The following TMEM116 variants were observed in gnomAD, a reference collection of about 807,000 sequenced individuals.
TMEM116 encodes transmembrane protein 116.
Under a neutral mutation model 44.3 loss-of-function variants are expected in TMEM116, and 38 were observed. The ratio of observed to expected loss-of-function variants is 0.86; its 90% confidence interval spans 0.66 to 1.12. The LOEUF (loss-of-function observed/expected upper bound fraction) is 1.12, where lower values mean the gene tolerates loss of function less well. Among genes scored for constraint, TMEM116 ranks in the 50% most tolerant of loss-of-function variants. The pLI is 0.00. For synonymous variants in TMEM116, 132 were observed against 144.8 expected (o/e 0.91, Z 0.64); for missense variants, 354 against 401.7 (o/e 0.88, Z 1.01).
At chr12:111,954,622 G>T (rs905058777) in intron 4 of TMEM116, among the ~76,000 whole-genome samples, 7 of 152,226 alleles carry the variant, frequency 4.6e-5, no homozygotes, top group African/African-American at 1.7e-4. Flanking sequence ...TGTGAAAGCT[G>T]TTGGCAGCTG....
chr12:111,994,023 C>A, intron 3 of TMEM116: 1 of 574,658 alleles, frequency 1.7e-6, no homozygotes. Flanking sequence ...CCCCAAGATG[C>A]CAGAATCTCT....
intron 5 of TMEM116, among the ~76,000 whole-genome samples, chr12:111,940,543 ATACACACACACATATATATGTGTG>A (rs1310902618): frequency 3.6e-4 from 32 of 88,192 alleles, no homozygotes; most frequent in East Asian, 3.6e-3. Context: ...ATATATATAT[ATACACACACACATATATATGTGTG>A]TATATATATA....
chr12:111,975,941 T>C (rs997041037), intron 4 of TMEM116, among the ~76,000 whole-genome samples: 1 of 152,192 alleles, frequency 6.6e-6, no homozygotes. Flanking sequence ...TTCAGTGTAA[T>C]TATAACTGAG....
chr12:111,940,531 A>ATATACACATATATATGTG, intron 5 of TMEM116, among the ~76,000 whole-genome samples: 1 of 116,662 alleles, frequency 8.6e-6, no homozygotes, highest in South Asian at 2.6e-4. Flanking sequence ...GTGTATATAT[A>ATATACACATATATATGTG]TATATATATA....
At chr12:111,948,260 A>G (rs2073434341) in intron 4 of TMEM116, among the ~76,000 whole-genome samples, 1 of 152,198 alleles carries the variant, frequency 6.6e-6, no homozygotes, top group Non-Finnish European at 1.5e-5. Flanking sequence ...CCCATCCAGG[A>G]AAGAAATAGT....
In TMEM116 at chr12:111,991,895, AAAGT is replaced by A; in HGVS notation, c.79-10_79-7del. On this transcript the variant is annotated splice_polypyrimidine_tract_variant and splice_region_variant and intron_variant, in intron 3 of 10. Coordinates refer to ENST00000552374, the MANE Select transcript of TMEM116 (RefSeq NM_001193531.2). Reference sequence around the variant, plus strand: ...AGATAAAAAAGTGGTCTTATCTGTCAAAGTAATAAAATCCTCATTTCATATGTGA... The same window carrying A: ...AGATAAAAAAGTGGTCTTATCTGTCAAATAAAATCCTCATTTCATATGTGA... 6.5e-7 allele frequency: 1 copy of A among 1,534,076 alleles called. No individual in the cohort carries two copies. Among genetic ancestry groups the A allele is most frequent in the Admixed American group, 2.0e-5 (1 of 50,864 alleles).
chr12:111,939,982 T>G (rs2072572578), intron 5 of TMEM116, among the ~76,000 whole-genome samples: 1 of 149,918 alleles, frequency 6.7e-6, no homozygotes, highest in African/African-American at 2.5e-5. Flanking sequence ...AGTTAATATC[T>G]TAGGCTATGG....
intron 3 of TMEM116, among the ~76,000 whole-genome samples, chr12:111,992,665 A>G (rs541732290): frequency 7.2e-5 from 11 of 152,338 alleles, no homozygotes; most frequent in African/African-American, 2.6e-4. Flanking sequence ...CAGGGTAAAA[A>G]GTCAGTAATA....
chr12:111,976,252 C>T (rs529897388), intron 4 of TMEM116, among the ~76,000 whole-genome samples: 3 of 151,982 alleles, frequency 2.0e-5, no homozygotes, highest in Admixed American at 6.6e-5. Context: ...GTAATCTGCC[C>T]GAGAAACCCA....
chr12:111,938,260 T>C (rs747957222), intron 5 of TMEM116, 50 bp from the exon 6 acceptor site: 2 of 1,325,526 alleles, frequency 1.5e-6, no homozygotes, highest in Non-Finnish European at 2.1e-6. Flanking sequence ...GTCAATCATA[T>C]AATAATAAAT....
intron 4 of TMEM116, among the ~76,000 whole-genome samples, chr12:111,972,707 C>T (rs993722061): frequency 9.2e-5 from 14 of 152,058 alleles, no homozygotes; most frequent in Non-Finnish European, 1.9e-4. Flanking sequence ...GGTGAAACCC[C>T]GTCTCTACTA....
At position 112,003,809 on chromosome 12, in the gene TMEM116, T is replaced by C. The variant is rs1481632648; in HGVS notation, c.69A>G (p.Lys23=). The C allele has an allele frequency of 2.6e-6, 4 of 1,513,462 alleles. No individual in the cohort carries two copies. The highest frequency in any genetic ancestry group is 2.5e-5 in the East Asian group (1 of 39,770). 93.8% of individuals were successfully genotyped at this position (1,513,462 alleles called of 1,614,324 possible). The part of the protein sequence containing the change: ...IAYAVFHNIQ[K]SPEIRPLFYL... Reference sequence around the variant, plus strand: ...AAGAGAAATCACTCACCTCTGGAGATTTCTGTATATTATGGAATACAGCAT... The same window carrying C: ...AAGAGAAATCACTCACCTCTGGAGACTTCTGTATATTATGGAATACAGCAT... Residue 23 remains lysine, a synonymous_variant, in exon 3 of 11, where the codon AAA becomes AAG. Coordinates refer to ENST00000552374, the MANE Select transcript of TMEM116 (RefSeq NM_001193531.2).
At chr12:111,933,791 C>G in intron 9 of TMEM116, 95 bp downstream of exon 9, 1 of 1,505,164 alleles carries the variant, frequency 6.6e-7, no homozygotes, top group Non-Finnish European at 9.0e-7. Flanking sequence ...CCACTGTGCC[C>G]GACCTCAGCC....
chr12:111,995,414 T>C (rs2076878231), intron 3 of TMEM116, among the ~76,000 whole-genome samples: 1 of 151,892 alleles, frequency 6.6e-6, no homozygotes, highest in Admixed American at 6.6e-5. Flanking sequence ...AAAAATGAAA[T>C]TAGGCCCCTA....
At chr12:111,940,565 G>GTATATATATATATA (rs1182152145) in intron 5 of TMEM116, among the ~76,000 whole-genome samples, 3 of 127,928 alleles carry the variant, frequency 2.3e-5, no homozygotes, top group African/African-American at 9.1e-5. Context: ...ATATATATGT[G>GTATATATATATATA]TGTATATATA....
chr12:111,950,841 T>C (rs1483606951), intron 4 of TMEM116, among the ~76,000 whole-genome samples: 52 of 152,084 alleles, frequency 3.4e-4, no homozygotes, highest in Admixed American at 3.2e-3. Context: ...TGGGATCTAA[T>C]TAAACTAAAG....
At chr12:111,991,913 T>C in intron 3 of TMEM116, 24 bp from the exon 4 acceptor site, 6 of 1,530,806 alleles carry the variant, frequency 3.9e-6, no homozygotes, top group Non-Finnish European at 5.2e-6. Flanking sequence ...AAAATCCTCA[T>C]TTCATATGTG....
intron 4 of TMEM116, among the ~76,000 whole-genome samples, chr12:111,985,040 T>C (rs1330326250): frequency 6.6e-6 from 1 of 152,196 alleles, no homozygotes; most frequent in African/African-American, 2.4e-5. Flanking sequence ...AAAGTCATCA[T>C]ACTCAATGAT....
intron 4 of TMEM116, chr12:111,965,832 AG>A (rs1284807201): frequency 3.4e-5 from 8 of 236,678 alleles, no homozygotes; most frequent in Non-Finnish European, 8.7e-6. Context: ...GGTACTCTGG[AG>A]GCTGAGGCAG....
Sources: gnomAD v4.1 joint callset for allele counts (sites outside exome capture counted in the v4.1 genomes callset) on GRCh38, gnomAD v4.1.1 for gene constraint, MANE v1.5 for transcripts, NCBI Gene and HGNC (gene_info 2026-07-23, HGNC 2026-07-21) for gene names.